Variants in TANC2 observed in about 807,000 individuals in gnomAD.
TANC2 encodes the protein tetratricopeptide repeat, ankyrin repeat and coiled-coil containing 2.
A neutral mutation model predicts 210.5 loss-of-function variants in TANC2; 26 were observed. That is an observed-to-expected ratio of 0.12 (90% CI 0.09 to 0.17). TANC2 has a LOEUF of 0.17. TANC2 is among the 10% of genes least tolerant of loss of function. TANC2 has a pLI of 1.00. For synonymous variants in TANC2, 931 were observed against 967.1 expected (o/e 0.96, Z 0.69); for missense variants, 2,129 against 2,608.9 (o/e 0.82, Z 4.01).
At chr17:63,043,960 T>C (rs1300033081) in intron 2 of TANC2, among the ~76,000 whole-genome samples, 1 of 152,164 alleles carries the variant, frequency 6.6e-6, no homozygotes, top group African/African-American at 2.4e-5. Flanking sequence ...TCTGTGTATT[T>C]CTGAACTTTG....
rs574192244 is a variant in TANC2, at chr17:62,969,377, A to G, written c.-24+2628A>G. On this transcript the variant is annotated intron_variant, in intron 1 of 27. Transcript: ENST00000689528. ...GCTCCAGAACCTGTGCTCCTCATCA[A>G]TATGCTATATTGCCCTCTCACTCAA... 1.1e-3 allele frequency among the ~76,000 whole-genome samples: 173 copies of G among 152,320 alleles called. 2 individuals carry two copies. Among genetic ancestry groups the G allele is most frequent in the African/African-American group, 3.8e-3 (158 of 41,572 alleles).
chr17:63,052,482 A>C (rs1478309298), intron 2 of TANC2, among the ~76,000 whole-genome samples: 1 of 152,174 alleles, frequency 6.6e-6, no homozygotes, highest in Non-Finnish European at 1.5e-5. Flanking sequence ...TTTGAATGTC[A>C]TTGAGTAGTT....
At chr17:63,177,281 A>AC (rs1350778196) in intron 5 of TANC2, among the ~76,000 whole-genome samples, 4 of 151,618 alleles carry the variant, frequency 2.6e-5, no homozygotes, top group Non-Finnish European at 4.4e-5. Flanking sequence ...AAAAAAAAAA[A>AC]AACACAAAAT....
intron 6 of TANC2, among the ~76,000 whole-genome samples, chr17:63,196,552 C>T (rs1567805887): frequency 1.3e-5 from 2 of 152,132 alleles, no homozygotes; most frequent in Non-Finnish European, 2.9e-5. Context: ...ATGGAGTGCA[C>T]CTTACTTGTA....
At chr17:63,002,808 G>A (rs1052966133) in intron 1 of TANC2, among the ~76,000 whole-genome samples, 1 of 152,178 alleles carries the variant, frequency 6.6e-6, no homozygotes, top group Admixed American at 6.5e-5. Flanking sequence ...TGTGTTGACT[G>A]TATGAGTAGT....
At chr17:63,308,684 G>A (rs959283529) in intron 9 of TANC2, among the ~76,000 whole-genome samples, 3 of 152,114 alleles carry the variant, frequency 2.0e-5, no homozygotes, top group East Asian at 3.8e-4. Flanking sequence ...GAGAGAGATA[G>A]CCAGGACATA....
intron 8 of TANC2, 33 bp downstream of exon 8, chr17:63,238,110 T>C (rs1181256573): frequency 6.0e-6 from 9 of 1,505,186 alleles, no homozygotes; most frequent in African/African-American, 1.4e-5. Context: ...GTTGTTGCTG[T>C]TGTTAAATAA....
rs546973818 is a variant in TANC2, at chr17:63,412,509, C to T, written c.3899-171C>T. On this transcript the variant is annotated intron_variant, in intron 23 of 27. Coordinates refer to ENST00000689528, the Ensembl canonical transcript of TANC2. The surrounding 1 kb of genome is among the most constrained non-coding windows in gnomAD (Gnocchi z 4.2). ...TGCTTCAGACTCAAGTCCCTGCTGC[C>T]GCTGTCCCAGCTGCTCCCCAAGCCC... Among the ~76,000 whole-genome samples, 43 of 152,188 alleles carry T rather than the reference C, an allele frequency of 2.8e-4. No individual in the cohort carries two copies. Among genetic ancestry groups the T allele is most frequent in the Non-Finnish European group, 4.6e-4 (31 of 68,034 alleles).
chr17:63,252,370 G>A (rs891360239), intron 8 of TANC2, among the ~76,000 whole-genome samples: 1 of 151,728 alleles, frequency 6.6e-6, no homozygotes, highest in Non-Finnish European at 1.5e-5. Context: ...TGTTGCAAAC[G>A]TTCCAACTAT....
intron 8 of TANC2, among the ~76,000 whole-genome samples, chr17:63,264,414 A>G (rs1306633794): frequency 6.6e-6 from 1 of 152,146 alleles, no homozygotes; most frequent in East Asian, 1.9e-4. Flanking sequence ...GGGAGCAGCA[A>G]ATGCAGAGAT....
intron 1 of TANC2, among the ~76,000 whole-genome samples, chr17:62,996,240 G>A (rs1184300908): frequency 1.3e-5 from 2 of 152,154 alleles, no homozygotes. Flanking sequence ...AATATGGCCT[G>A]AGAAGGACTC....
chr17:63,174,434 A>G (rs1392945098), intron 5 of TANC2, among the ~76,000 whole-genome samples: 1 of 152,246 alleles, frequency 6.6e-6, no homozygotes, highest in Non-Finnish European at 1.5e-5. Context: ...TACGAACATT[A>G]AAGAAAGTTT....
At chr17:63,185,234 G>C (rs762863040) in intron 5 of TANC2, among the ~76,000 whole-genome samples, 1 of 151,994 alleles carries the variant, frequency 6.6e-6, no homozygotes, top group Non-Finnish European at 1.5e-5. Context: ...GGGACTACAA[G>C]CATGTACCAC....
At chr17:63,406,394 GA>G in intron 21 of TANC2, 117 bp downstream of exon 21, 1 of 1,415,570 alleles carries the variant, frequency 7.1e-7, no homozygotes, top group East Asian at 2.3e-5. Flanking sequence ...CAGTTGGTTG[GA>G]AAATGAAAGG....
chr17:63,386,946 G>A (rs1001365502), intron 15 of TANC2, among the ~76,000 whole-genome samples: 6 of 151,876 alleles, frequency 4.0e-5, no homozygotes, highest in Non-Finnish European at 7.4e-5. Context: ...TCAAACTCCC[G>A]GGCTCAAGCG....
intron 5 of TANC2, among the ~76,000 whole-genome samples, chr17:63,171,752 C>T (rs1032170867): frequency 2.0e-5 from 3 of 152,198 alleles, no homozygotes; most frequent in African/African-American, 4.8e-5. Context: ...TGTATTATAA[C>T]ACAAGATGCC....
chr17:63,068,890 A>G (rs899918769), intron 2 of TANC2, among the ~76,000 whole-genome samples: 1 of 152,184 alleles, frequency 6.6e-6, no homozygotes, highest in Non-Finnish European at 1.5e-5. Context: ...CGTAATATAA[A>G]CATTTGTGGA....
intron 11 of TANC2, chr17:63,333,876 A>C (rs999200965): frequency 2.6e-5 from 4 of 152,232 alleles, no homozygotes; most frequent in Non-Finnish European, 5.9e-5. Context: ...CTGGAGGCTC[A>C]TGTGATCATT....
intron 9 of TANC2, among the ~76,000 whole-genome samples, chr17:63,272,810 C>T (rs1425159410): frequency 6.6e-6 from 1 of 152,072 alleles, no homozygotes; most frequent in Non-Finnish European, 1.5e-5. Flanking sequence ...AGTTTATTGA[C>T]TGACTGATTT....
Sources: gnomAD v4.1 joint callset for allele counts (sites outside exome capture counted in the v4.1 genomes callset) on GRCh38, gnomAD v4.1.1 for gene constraint, Gnocchi (gnomAD v3.1) non-coding constraint, MANE v1.5 for transcripts, NCBI Gene and HGNC (gene_info 2026-07-23, HGNC 2026-07-21) for gene names.